Variants in KDM4C observed in about 807,000 individuals in gnomAD.
KDM4C encodes the protein lysine demethylase 4C.
In KDM4C, 81 loss-of-function variants were observed where a neutral mutation model predicts 129.3. The observed-to-expected ratio is 0.63, with a 90% CI of 0.52 to 0.75. The LOEUF is 0.75. Ranked by LOEUF, KDM4C falls within the 30% of genes least tolerant of loss-of-function variation. The pLI is 0.00. For synonymous variants in KDM4C, 573 were observed against 456.1 expected, an observed-to-expected ratio of 1.26 and a Z score of -3.26; for missense variants, 1,457 against 1,304.0, an observed-to-expected ratio of 1.12 and a Z score of -1.81.
chr9:6,970,879 C>G (rs1434449820), intron 8 of KDM4C, among the ~76,000 whole-genome samples: 1 of 123,692 alleles, frequency 8.1e-6, no homozygotes, highest in Non-Finnish European at 1.6e-5. Flanking sequence ...TGAACCAAAA[C>G]CGAAATGATG....
At chr9:6,734,075 C>T (rs1817441943) in intron 1 of KDM4C, among the ~76,000 whole-genome samples, 1 of 152,130 alleles carries the variant, frequency 6.6e-6, no homozygotes. Flanking sequence ...TCTGAGAATG[C>T]AGCCCAGTGG....
chr9:6,796,799 G>C (rs1827838777), intron 2 of KDM4C, among the ~76,000 whole-genome samples: 1 of 152,012 alleles, frequency 6.6e-6, no homozygotes, highest in South Asian at 2.1e-4. Context: ...TGCCATCTTT[G>C]ACGTCAAGTC....
chr9:7,045,946 C>T (rs1353714148), intron 15 of KDM4C, among the ~76,000 whole-genome samples: 1 of 151,988 alleles, frequency 6.6e-6, no homozygotes, highest in Non-Finnish European at 1.5e-5. Flanking sequence ...TAAGGAACAT[C>T]ACTTTAGTGG....
At chr9:6,769,169 A>C (rs1439810583) in intron 1 of KDM4C, among the ~76,000 whole-genome samples, 1 of 150,642 alleles carries the variant, frequency 6.6e-6, no homozygotes, top group Non-Finnish European at 1.5e-5. Flanking sequence ...TTTGTTACTC[A>C]TTTTAGGCTT....
At chr9:6,748,205 T>TA (rs1046886417) in intron 1 of KDM4C, among the ~76,000 whole-genome samples, 145 of 146,508 alleles carry the variant, frequency 9.9e-4, no homozygotes, top group East Asian at 4.2e-3. Context: ...CAACAACAAT[T>TA]AAAAAAAAAC....
At chr9:6,791,655 C>T (rs186048873) in intron 1 of KDM4C, among the ~76,000 whole-genome samples, 152 of 152,288 alleles carry the variant, frequency 1.0e-3, no homozygotes, top group African/African-American at 3.5e-3. Context: ...TGTACAGGTA[C>T]GTATGTGAGT....
Position 6,990,534 on chromosome 9 carries a change from T to A in KDM4C, c.1786+10T>A. 6.7e-7 allele frequency: 1 copy of A among 1,497,658 alleles called. No individual in the cohort carries two copies. The highest frequency in any genetic ancestry group is 8.9e-7 in the Non-Finnish European group (1 of 1,118,882). The allele number at this position is 1,497,658 out of a possible 1,614,324, so 92.8% of individuals were successfully genotyped here. The stretch of plus-strand genomic sequence containing the variant: ...GCGCCAAGTGATGAAGGTGAGATGG[T>A]GACCCTTTTTGGGATTTTTTTTTTT... On this transcript the variant is annotated intron_variant, in intron 12 of 21. Transcript: ENST00000381309.
rs1020087273 is a variant in KDM4C, at chr9:7,052,438, T to C, written c.2424+3238T>C. On this transcript the variant is annotated intron_variant, in intron 17 of 21. Coordinates refer to ENST00000381309, the MANE Select transcript of KDM4C (RefSeq NM_015061.6). Reference sequence around the variant, plus strand: ...ATTCATTATTTGCACGTCAGGCTTATAATGACTGTGGCTGGAGGAGTGCGA... The same window carrying C: ...ATTCATTATTTGCACGTCAGGCTTACAATGACTGTGGCTGGAGGAGTGCGA... Among the ~76,000 whole-genome samples the C allele has an allele frequency of 2.0e-5, 3 of 152,260 alleles. No individual in the cohort carries two copies. In the South Asian group the frequency reaches 6.2e-4, roughly 31 times the overall value.
intron 8 of KDM4C, among the ~76,000 whole-genome samples, chr9:6,951,666 G>GT (rs1828168631): frequency 6.6e-6 from 1 of 152,164 alleles, no homozygotes; most frequent in African/African-American, 2.4e-5. Context: ...ATGGTATACA[G>GT]TTTAGACATA....
intron 20 of KDM4C, among the ~76,000 whole-genome samples, chr9:7,166,872 A>C (rs1421878431): frequency 6.6e-6 from 1 of 151,910 alleles, no homozygotes; most frequent in African/African-American, 2.4e-5. Flanking sequence ...AGTTAAGACT[A>C]ATATTAAAAT....
chr9:7,153,346 G>GC (rs775697979), intron 19 of KDM4C, among the ~76,000 whole-genome samples: 11 of 152,170 alleles, frequency 7.2e-5, no homozygotes, highest in Non-Finnish European at 1.2e-4. Flanking sequence ...CATCAGAGTA[G>GC]CCCCCTTGAG....
At chr9:7,057,837 G>A (rs2381542) in intron 17 of KDM4C, among the ~76,000 whole-genome samples, 111,737 of 152,090 alleles carry the variant, frequency 0.73, 41,231 homozygotes, top group Admixed American at 0.79. Context: ...GCTGAAAACC[G>A]TAAGATGAAT....
At chr9:6,796,078 T>TA (rs1827693107) in intron 2 of KDM4C, among the ~76,000 whole-genome samples, 1 of 152,150 alleles carries the variant, frequency 6.6e-6, no homozygotes, top group South Asian at 2.1e-4. Context: ...AAACAGAAAC[T>TA]AAAGCTTCGT....
chr9:6,831,959 C>T (rs1834905000), intron 4 of KDM4C, among the ~76,000 whole-genome samples: 1 of 152,176 alleles, frequency 6.6e-6, no homozygotes, highest in African/African-American at 2.4e-5. Flanking sequence ...ATCCTGAGTA[C>T]TTAGGCAGTC....
chr9:7,141,283 A>G (rs1278350482), intron 19 of KDM4C, among the ~76,000 whole-genome samples: 3 of 152,172 alleles, frequency 2.0e-5, no homozygotes, highest in African/African-American at 7.2e-5. Flanking sequence ...TTATCACTAG[A>G]GAGAAACTAA....
At chr9:7,053,598 A>G (rs1250681361) in intron 17 of KDM4C, among the ~76,000 whole-genome samples, 1 of 152,212 alleles carries the variant, frequency 6.6e-6, no homozygotes, top group Non-Finnish European at 1.5e-5. Flanking sequence ...TATTTTCAAG[A>G]CATTATATTT....
At chr9:6,940,071 CTCT>C (rs1825667444) in intron 8 of KDM4C, among the ~76,000 whole-genome samples, 2 of 87,266 alleles carry the variant, frequency 2.3e-5, no homozygotes, top group Non-Finnish European at 3.0e-5. Context: ...CCCTCCTTCT[CTCT>C]CTCTCTTTCT....
At chr9:7,166,015 A>T (rs1431254510) in intron 20 of KDM4C, among the ~76,000 whole-genome samples, 1 of 152,204 alleles carries the variant, frequency 6.6e-6, no homozygotes, top group East Asian at 1.9e-4. Flanking sequence ...AAGCTTTAAT[A>T]AGGGAAACAA....
intron 5 of KDM4C, among the ~76,000 whole-genome samples, chr9:6,855,647 A>G (rs775083411): frequency 2.0e-4 from 31 of 151,648 alleles, no homozygotes; most frequent in Non-Finnish European, 3.8e-4. Context: ...CCTTACCCCT[A>G]TCTCTTCCTG....
Sources: allele counts gnomAD v4.1 joint callset (sites outside exome capture counted in the v4.1 genomes callset), GRCh38; gene constraint gnomAD v4.1.1; transcripts MANE v1.5; gene names NCBI Gene and HGNC (gene_info 2026-07-23, HGNC 2026-07-21).